The following VIPR2 variants were observed in gnomAD, a reference collection of about 807,000 sequenced individuals.
The protein encoded by VIPR2 is vasoactive intestinal polypeptide receptor 2.
In VIPR2, 48 loss-of-function variants were observed where a neutral mutation model predicts 58.0. The observed-to-expected ratio is 0.83, with a 90% CI of 0.66 to 1.05. The LOEUF (loss-of-function observed/expected upper bound fraction) is 1.05, where lower values mean the gene tolerates loss of function less well. Ranked by LOEUF, VIPR2 falls within the 50% of genes least tolerant of loss-of-function variation. The probability of loss-of-function intolerance (pLI) is 0.00; values close to 1 mark genes in which losing one functional copy is unlikely to be tolerated. For missense variants in VIPR2, 534 were observed against 558.0 expected, an observed-to-expected ratio of 0.96 and a Z score of 0.43; for synonymous variants, 243 against 235.2, an observed-to-expected ratio of 1.03 and a Z score of -0.30.
At chr7:159,112,604 C>G (rs1380796021) in intron 2 of VIPR2, among the ~76,000 whole-genome samples, 1 of 152,204 alleles carries the variant, frequency 6.6e-6, no homozygotes, top group Non-Finnish European at 1.5e-5. Flanking sequence ...TCGGTACCCC[C>G]GGCACCGGCA....
intron 4 of VIPR2, among the ~76,000 whole-genome samples, chr7:159,092,764 A>C (rs1170363699): frequency 2.7e-5 from 4 of 146,838 alleles, no homozygotes; most frequent in Non-Finnish European, 5.9e-5. Context: ...GTTCTCAGAG[A>C]TTTGTGTGTC....
intron 4 of VIPR2, among the ~76,000 whole-genome samples, chr7:159,088,932 G>A (rs112112590): frequency 2.6e-4 from 3 of 11,620 alleles, no homozygotes; most frequent in African/African-American, 8.6e-4. Flanking sequence ...CTCAGGCCTC[G>A]GCTCCTCATC....
intron 2 of VIPR2, among the ~76,000 whole-genome samples, chr7:159,133,309 T>TC (rs1347136943): frequency 6.6e-6 from 1 of 152,300 alleles, no homozygotes; most frequent in Non-Finnish European, 1.5e-5. Flanking sequence ...ACGGTCCCAA[T>TC]AAAGCTGACC....
At chr7:159,034,149 TG>T (rs910332494) in intron 10 of VIPR2, 63 bp downstream of exon 10, 1 of 1,542,850 alleles carries the variant, frequency 6.5e-7, no homozygotes, top group Admixed American at 1.7e-5. Context: ...CCTGGCAGCG[TG>T]GGGGTCTCCT....
intron 6 of VIPR2, among the ~76,000 whole-genome samples, chr7:159,038,809 T>C (rs909275572): frequency 6.6e-6 from 1 of 152,182 alleles, no homozygotes; most frequent in Non-Finnish European, 1.5e-5. Context: ...TTTGGTTATA[T>C]AAACTTTAAA....
chr7:159,104,853 C>A (rs1268457485), intron 3 of VIPR2, among the ~76,000 whole-genome samples: 1 of 149,416 alleles, frequency 6.7e-6, no homozygotes, highest in Non-Finnish European at 1.5e-5. Flanking sequence ...TGGCCAGGCC[C>A]TCACCACCAA....
chr7:159,060,739 A>C (rs1185587835), intron 4 of VIPR2, among the ~76,000 whole-genome samples: 1 of 150,712 alleles, frequency 6.6e-6, no homozygotes, highest in Non-Finnish European at 1.5e-5. Flanking sequence ...ATTCACTTCA[A>C]CTAACCACAG....
In VIPR2 at chr7:159,061,665, T is replaced by TA. The variant is rs558546280; in HGVS notation, c.358-3088dup. Among the ~76,000 whole-genome samples the TA allele has an allele frequency of 6.6e-4, 100 of 151,230 alleles. 1 individual carries two copies. The East Asian group carries it at 0.017, about 26-fold the overall frequency. On this transcript the variant is annotated intron_variant, in intron 4 of 12. Coordinates refer to ENST00000262178, the MANE Select transcript of VIPR2 (RefSeq NM_003382.5). The stretch of plus-strand genomic sequence containing the variant: ...GAGGACCTGTCGCAAAAAAAAAAGT[T>TA]AAAAAAAAGAAAAAAAGTGAAAAAT...
intron 4 of VIPR2, among the ~76,000 whole-genome samples, chr7:159,084,910 C>T (rs1857094251): frequency 6.6e-6 from 1 of 152,326 alleles, no homozygotes; most frequent in Admixed American, 6.5e-5. Context: ...GGGAAATGTT[C>T]TCCAAGATGC....
chr7:159,109,974 T>TAGA, intron 2 of VIPR2, 55 bp from the exon 3 acceptor site: 1 of 1,552,992 alleles, frequency 6.4e-7, no homozygotes, highest in Non-Finnish European at 8.8e-7. Context: ...GTGTCACAAA[T>TAGA]AGAAACCCCA....
At chr7:159,063,600 C>G (rs1435830301) in intron 4 of VIPR2, among the ~76,000 whole-genome samples, 3 of 151,466 alleles carry the variant, frequency 2.0e-5, no homozygotes, top group Non-Finnish European at 2.9e-5. Flanking sequence ...CGGGCTGAAG[C>G]GCTCCTCAAG....
At chr7:159,039,078 T>TGGGCTCTGGTGTGATCCCACGTGCAGCTG (rs1854157879) in intron 6 of VIPR2, among the ~76,000 whole-genome samples, 1 of 152,230 alleles carries the variant, frequency 6.6e-6, no homozygotes, top group Admixed American at 6.5e-5. Flanking sequence ...GTCAGGTCTT[T>TGGGCTCTGGTGTGATCCCACGTGCAGCTG]GGGCTCTGGT....
At chr7:159,125,628 T>C (rs1250218644) in intron 2 of VIPR2, among the ~76,000 whole-genome samples, 1 of 152,248 alleles carries the variant, frequency 6.6e-6, no homozygotes, top group Non-Finnish European at 1.5e-5. Context: ...GCCCTAGTTC[T>C]GCTTTCTGGA....
chr7:159,050,522 A>C (rs1471439077), intron 5 of VIPR2, among the ~76,000 whole-genome samples: 2 of 152,010 alleles, frequency 1.3e-5, no homozygotes, highest in African/African-American at 4.8e-5. Context: ...TTAAAACTTA[A>C]AAAACCTTGA....
intron 4 of VIPR2, among the ~76,000 whole-genome samples, chr7:159,100,888 C>T (rs546697539): frequency 9.1e-4 from 136 of 149,964 alleles, no homozygotes; most frequent in Admixed American, 1.5e-3. Flanking sequence ...TCACGAGATC[C>T]GACAAGGCCG....
At chr7:159,105,975 C>T (rs1180365335) in intron 3 of VIPR2, among the ~76,000 whole-genome samples, 1 of 152,248 alleles carries the variant, frequency 6.6e-6, no homozygotes, top group African/African-American at 2.4e-5. Flanking sequence ...CCACAGGAGG[C>T]AGCTCTCCAA....
chr7:159,081,826 A>G (rs1856919421), intron 4 of VIPR2, among the ~76,000 whole-genome samples: 1 of 152,272 alleles, frequency 6.6e-6, no homozygotes, highest in Non-Finnish European at 1.5e-5. Flanking sequence ...ACACTTCTCA[A>G]AAGAAGACAT....
chr7:159,084,259 C>T (rs986069495), intron 4 of VIPR2, among the ~76,000 whole-genome samples: 4 of 152,204 alleles, frequency 2.6e-5, no homozygotes, highest in African/African-American at 4.8e-5. Flanking sequence ...CTTGGCAGGC[C>T]GCACGAGGTG....
At chr7:159,032,470 A>G (rs1417147947) in intron 10 of VIPR2, among the ~76,000 whole-genome samples, 1 of 152,206 alleles carries the variant, frequency 6.6e-6, no homozygotes, top group Admixed American at 6.5e-5. Flanking sequence ...TGCCACACGC[A>G]GGTTTAAATG....
Sources: gnomAD v4.1 joint callset for allele counts (sites outside exome capture counted in the v4.1 genomes callset) on GRCh38, gnomAD v4.1.1 for gene constraint, MANE v1.5 for transcripts, NCBI Gene and HGNC (gene_info 2026-07-23, HGNC 2026-07-21) for gene names.